The following COQ8A variants were observed in gnomAD, a reference collection of about 807,000 sequenced individuals.
The protein encoded by COQ8A is coenzyme Q8A.
Under a neutral mutation model 65.0 loss-of-function variants are expected in COQ8A, and 51 were observed. The ratio of observed to expected loss-of-function variants is 0.78; its 90% CI spans 0.63 to 0.99. The LOEUF (loss-of-function observed/expected upper bound fraction) is 0.99, where lower values mean the gene tolerates loss of function less well. Among genes scored for constraint, COQ8A ranks in the 50% least tolerant of loss-of-function variants. The pLI is 0.00. For missense variants in COQ8A, 940 were observed against 875.0 expected (o/e 1.07, Z -0.94); for synonymous variants, 371 against 353.2 (o/e 1.05, Z -0.57).
intron 1 of COQ8A, among the ~76,000 whole-genome samples, chr1:226,957,860 C>T (rs1186401099): frequency 3.3e-5 from 5 of 152,096 alleles, no homozygotes; most frequent in African/African-American, 4.8e-5. Context: ...TCAGGATCCC[C>T]GAGTCGGAGC....
chr1:226,961,966 T>A (rs750761320), intron 2 of COQ8A, among the ~76,000 whole-genome samples: 17 of 152,086 alleles, frequency 1.1e-4, no homozygotes, highest in Non-Finnish European at 2.5e-4. Flanking sequence ...ACCAATCCCA[T>A]TGAGGAGGGC....
intron 1 of COQ8A, among the ~76,000 whole-genome samples, chr1:226,953,405 G>A (rs146933582): frequency 1.8e-4 from 28 of 152,370 alleles, no homozygotes; most frequent in African/African-American, 6.5e-4. Context: ...TCTTAGGCAA[G>A]GTTGTGATGT....
intron 4 of COQ8A, among the ~76,000 whole-genome samples, chr1:226,976,335 C>T (rs367594809): frequency 6.6e-3 from 905 of 137,964 alleles, no homozygotes; most frequent in African/African-American, 0.026. Context: ...TGCGGGGCTG[C>T]GGGACTGCGG....
rs190724839 is a variant in COQ8A, at chr1:226,961,279, C to T, written c.-9-98C>T. ...GGGGAGATCAGTGGAAAAACCAGCC[C>T]TCTGGACCTTCTGCTCAGAGTTTGG... On this transcript the variant is annotated intron_variant, in intron 1 of 14. Transcript: ENST00000366777. 15 of 1,361,502 alleles carry T rather than the reference C, an allele frequency of 1.1e-5. No homozygotes were observed. The East Asian group carries it at 3.0e-4, about 27-fold the overall frequency. The allele number at this position is 1,361,502 out of a possible 1,614,324, so 84.3% of individuals were successfully genotyped here. A position where few individuals can be genotyped will look rare whatever the true frequency, so the allele number is the denominator to read the frequency against.
chr1:226,982,219 G>T, intron 6 of COQ8A, 70 bp downstream of exon 6: 1 of 1,531,318 alleles, frequency 6.5e-7, no homozygotes, highest in South Asian at 1.2e-5. Flanking sequence ...CCAGGGCCGG[G>T]AGCAGTGGCC....
chr1:226,961,787 C>T (rs1046514314), intron 2 of COQ8A, among the ~76,000 whole-genome samples: 3 of 152,314 alleles, frequency 2.0e-5, no homozygotes, highest in African/African-American at 7.2e-5. Context: ...AAACAATGCA[C>T]GCTTATTTCT....
At chr1:226,970,927 T>G (rs936320116) in intron 4 of COQ8A, among the ~76,000 whole-genome samples, 1 of 152,086 alleles carries the variant, frequency 6.6e-6, no homozygotes, top group Admixed American at 6.5e-5. Context: ...ATTCTTTTAG[T>G]TTTTATTTAT....
intron 5 of COQ8A, among the ~76,000 whole-genome samples, chr1:226,978,845 C>A (rs1659503956): frequency 7.9e-6 from 1 of 126,042 alleles, no homozygotes; most frequent in Non-Finnish European, 1.8e-5. Flanking sequence ...TACACACCCA[C>A]CTCATACCTG....
In COQ8A at chr1:226,982,037, C is replaced by G. The variant is rs554280397; in HGVS notation, c.741C>G (p.Ala247=). ...CTTGCCCGCCCACAGGGAAGAAGGC[C>G]GTGCTGGGTTCCAGTCCTTTCCTGT... The part of the protein sequence containing the change: ...LRSEDPSGKK[A]VLGSSPFLSE... The change falls in exon 6 of 15, where the codon GCC becomes GCG. Residue 247 remains alanine (A), a synonymous_variant. Coordinates refer to ENST00000366777, the MANE Select transcript of COQ8A (RefSeq NM_020247.5). 8 of 1,612,928 alleles carry G rather than the reference C, an allele frequency of 5.0e-6. No homozygotes were observed. The highest frequency in any genetic ancestry group is 6.8e-6 in the Non-Finnish European group (8 of 1,180,006).
At chr1:226,985,789 G>C (rs1660070361) in intron 14 of COQ8A, among the ~76,000 whole-genome samples, 1 of 152,228 alleles carries the variant, frequency 6.6e-6, no homozygotes, top group African/African-American at 2.4e-5. Context: ...GCTTGACAGT[G>C]GGGAAGGAGT....
In COQ8A at chr1:226,986,707, C is replaced by G; in HGVS notation, c.1914C>G (p.Ser638Arg). ...PCKAMFEEAY[S>R]NYCKRQAQQ is the part of the protein sequence containing the mutation. ...AGGCCATGTTCGAGGAGGCCTACAG[C>G]AACTACTGCAAGAGGCAGGCCCAGC... Residue 638 changes from serine (S) to arginine (R), a missense_variant, in exon 15 of 15, where the codon AGC becomes AGG. Ser to Arg is a moderately radical substitution (Grantham distance 110). Coordinates refer to ENST00000366777, the MANE Select transcript of COQ8A (RefSeq NM_020247.5). 1.2e-6 allele frequency: 2 copies of G among 1,613,854 alleles called. No homozygotes were observed. Among genetic ancestry groups the G allele is most frequent in the South Asian group, 1.1e-5 (1 of 91,084 alleles).
intron 14 of COQ8A, 94 bp from the exon 15 acceptor site, chr1:226,986,359 T>C: frequency 7.2e-7 from 1 of 1,398,422 alleles, no homozygotes; most frequent in African/African-American, 1.4e-5. Context: ...GAGCTTTGAA[T>C]GAGAACTCAG....
chr1:226,982,805 C>T (rs1212263423), intron 7 of COQ8A, 42 bp downstream of exon 7: 1 of 1,612,952 alleles, frequency 6.2e-7, no homozygotes, highest in African/African-American at 1.3e-5. Flanking sequence ...TGGCCTCGGC[C>T]CCCACTGGGT....
intron 4 of COQ8A, 108 bp from the exon 5 acceptor site, chr1:226,977,341 C>G: frequency 9.7e-7 from 1 of 1,033,818 alleles, no homozygotes; most frequent in South Asian, 1.4e-5. Context: ...AGCGAGGGCC[C>G]CTGGTGCAAG....
chr1:226,986,128 C>T (rs1320486468), intron 14 of COQ8A, among the ~76,000 whole-genome samples: 1 of 152,156 alleles, frequency 6.6e-6, no homozygotes, highest in Non-Finnish European at 1.5e-5. Context: ...GTGGGAGGCC[C>T]TGCCAGCTTA....
rs755803187 is a variant in COQ8A at position 226,983,037 on chromosome 1, A to AG, written c.1080+5dup. On this transcript the variant is annotated splice_donor_region_variant and intron_variant, in intron 8 of 14. Transcript: ENST00000366777. ...GCGAGGTGGCCATGAAGATCCAGGT[A>AG]GGCGGCCTGATGCGCAGTGCCTGTC... 19 of 1,581,162 alleles carry AG rather than the reference A, an allele frequency of 1.2e-5. No individual in the cohort carries two copies. In the East Asian group the frequency reaches 4.4e-4, roughly 37 times the overall value.
At chr1:226,963,517 T>C (rs1044846695) in intron 2 of COQ8A, among the ~76,000 whole-genome samples, 3 of 152,192 alleles carry the variant, frequency 2.0e-5, no homozygotes, top group African/African-American at 7.2e-5. Flanking sequence ...ATGGGAGTGA[T>C]GGGGCAGAAG....
intron 3 of COQ8A, 38 bp from the exon 4 acceptor site, chr1:226,965,633 T>C: frequency 1.2e-6 from 2 of 1,612,148 alleles, no homozygotes; most frequent in South Asian, 2.2e-5. Flanking sequence ...CCTGTCCCCT[T>C]GGCTGATTCC....
chr1:226,948,979 T>C lies in COQ8A; in HGVS notation c.-10+8580T>C, dbSNP rs1657207843. Among the ~76,000 whole-genome samples, 4 of 152,186 alleles carry C rather than the reference T, an allele frequency of 2.6e-5. No individual in the cohort carries two copies. The South Asian group carries it at 8.3e-4, about 32-fold the overall frequency. ...GACAATATAATAACTTATACCATCA[T>C]TTCGAGGAGAGGAAACAGGTCAGAG... On this transcript the variant is annotated intron_variant, in intron 1 of 14. Transcript: ENST00000366777.
Sources: gnomAD v4.1 joint callset for allele counts (sites outside exome capture counted in the v4.1 genomes callset) on GRCh38, gnomAD v4.1.1 for gene constraint, MANE v1.5 for transcripts, NCBI Gene and HGNC (gene_info 2026-07-23, HGNC 2026-07-21) for gene names.